The following PDSS2 variants were observed in gnomAD, a reference collection of about 807,000 sequenced individuals.
PDSS2 encodes all trans-polyprenyl-diphosphate synthase PDSS2.
In PDSS2, 31 loss-of-function variants were observed where a neutral mutation model predicts 44.5. The observed-to-expected ratio is 0.70, with a 90% CI of 0.52 to 0.94. PDSS2 has a LOEUF of 0.94. Among genes scored for constraint, PDSS2 ranks in the 40% least tolerant of loss-of-function variants. The probability of loss-of-function intolerance (pLI) is 0.00; values close to 1 mark genes in which losing one functional copy is unlikely to be tolerated. For missense variants in PDSS2, 452 were observed against 482.2 expected (o/e 0.94, Z 0.59); for synonymous variants, 157 against 180.3 (o/e 0.87, Z 1.03).
chr6:107,219,438 C>A (rs2114671510), intron 4 of PDSS2, among the ~76,000 whole-genome samples: 1 of 152,240 alleles, frequency 6.6e-6, no homozygotes, highest in Non-Finnish European at 1.5e-5. Context: ...CAGGTGCGCA[C>A]CACTACACCC....
At chr6:107,426,990 A>T (rs1394325268) in intron 1 of PDSS2, among the ~76,000 whole-genome samples, 1 of 152,122 alleles carries the variant, frequency 6.6e-6, no homozygotes, top group Non-Finnish European at 1.5e-5. Context: ...GGACTGCTGG[A>T]AAGGCATAAT....
At chr6:107,316,960 T>C (rs1342017415) in intron 2 of PDSS2, among the ~76,000 whole-genome samples, 1 of 152,170 alleles carries the variant, frequency 6.6e-6, no homozygotes, top group Non-Finnish European at 1.5e-5. Flanking sequence ...TCATAAGATG[T>C]CAATCATAAT....
In PDSS2 at chr6:107,326,240, C is replaced by A. The variant is rs182139571; in HGVS notation, c.431+7958G>T. Among the ~76,000 whole-genome samples, 51 of 151,746 alleles carry A rather than the reference C, an allele frequency of 3.4e-4. No homozygotes were observed. The East Asian group carries it at 9.3e-3, about 28-fold the overall frequency. On this transcript the variant is annotated intron_variant, in intron 2 of 7. Transcript: ENST00000369037. ...GCCTCAGCCTCCCGAGTAGCTGGGA[C>A]TTACAGGCAGGTACCACCATGCCTG...
chr6:107,291,348 A>AT (rs139519390), intron 2 of PDSS2, among the ~76,000 whole-genome samples: 145 of 132,480 alleles, frequency 1.1e-3, no homozygotes, highest in South Asian at 3.5e-3. Context: ...TTATTTTATA[A>AT]TTTTTTTTTT....
intron 7 of PDSS2, among the ~76,000 whole-genome samples, chr6:107,167,111 C>CT (rs782570792): frequency 4.6e-5 from 7 of 151,824 alleles, no homozygotes; most frequent in South Asian, 2.1e-4. Flanking sequence ...TGGTCCTGGA[C>CT]TTTTTTTTGG....
intron 2 of PDSS2, among the ~76,000 whole-genome samples, chr6:107,320,437 CA>C (rs1777346401): frequency 6.6e-6 from 1 of 151,962 alleles, no homozygotes; most frequent in South Asian, 2.1e-4. Context: ...TAATGGTTTC[CA>C]AAAATAACAA....
intron 4 of PDSS2, among the ~76,000 whole-genome samples, chr6:107,213,539 T>C (rs1047299149): frequency 6.6e-6 from 1 of 151,618 alleles, no homozygotes; most frequent in Admixed American, 6.6e-5. Flanking sequence ...GGTGGGTGGA[T>C]CACGAGGTCA....
intron 3 of PDSS2, among the ~76,000 whole-genome samples, chr6:107,254,916 T>A (rs990408067): frequency 6.6e-6 from 1 of 151,236 alleles, no homozygotes; most frequent in African/African-American, 2.4e-5. Context: ...CAGGCTGGAG[T>A]GTAGTGGTGT....
chr6:107,241,399 T>G (rs1233562884), intron 4 of PDSS2, among the ~76,000 whole-genome samples: 2 of 133,006 alleles, frequency 1.5e-5, no homozygotes, highest in Admixed American at 8.4e-5. Flanking sequence ...CAGGCTGGAG[T>G]GCAGTGGCGA....
At chr6:107,288,303 CAA>C (rs551676711) in intron 2 of PDSS2, among the ~76,000 whole-genome samples, 77 of 151,402 alleles carry the variant, frequency 5.1e-4, no homozygotes, top group African/African-American at 1.7e-3. Flanking sequence ...TTGGTAAGTG[CAA>C]AAAAAATATG....
chr6:107,189,037 G>T (rs887227643), intron 7 of PDSS2, among the ~76,000 whole-genome samples: 1 of 152,132 alleles, frequency 6.6e-6, no homozygotes, highest in East Asian at 1.9e-4. Flanking sequence ...AGGCTCCTGA[G>T]TAGCCAGGAC....
intron 6 of PDSS2, among the ~76,000 whole-genome samples, chr6:107,195,046 C>A (rs1360176359): frequency 6.6e-6 from 1 of 152,104 alleles, no homozygotes; most frequent in Non-Finnish European, 1.5e-5. Flanking sequence ...ATTTCTCCTG[C>A]CACTTCTGCA....
At chr6:107,401,218 C>T (rs1297291400) in intron 1 of PDSS2, among the ~76,000 whole-genome samples, 1 of 152,172 alleles carries the variant, frequency 6.6e-6, no homozygotes, top group African/African-American at 2.4e-5. Context: ...ATTACCCACA[C>T]AAGCCCGGCT....
At chr6:107,257,795 T>G (rs1158741285) in intron 3 of PDSS2, among the ~76,000 whole-genome samples, 2 of 152,088 alleles carry the variant, frequency 1.3e-5, no homozygotes, top group Non-Finnish European at 2.9e-5. Flanking sequence ...ATTTTTGTAT[T>G]TTTAGTAGAT....
chr6:107,319,335 T>C (rs995193667), intron 2 of PDSS2, among the ~76,000 whole-genome samples: 4 of 152,146 alleles, frequency 2.6e-5, no homozygotes, highest in African/African-American at 9.7e-5. Context: ...AGCTGTAGTG[T>C]TTTTACTTGC....
At chr6:107,258,897 T>C (rs897092351) in intron 3 of PDSS2, among the ~76,000 whole-genome samples, 10 of 152,218 alleles carry the variant, frequency 6.6e-5, no homozygotes, top group African/African-American at 2.4e-4. Flanking sequence ...ATACCATAAA[T>C]TCCAGGATTG....
chr6:107,433,940 T>C (rs1187206874), intron 1 of PDSS2, among the ~76,000 whole-genome samples: 1 of 151,998 alleles, frequency 6.6e-6, no homozygotes, highest in East Asian at 1.9e-4. Flanking sequence ...AATAATCGAA[T>C]AATTTGATCT....
chr6:107,386,295 C>T (rs1779607980), intron 1 of PDSS2, among the ~76,000 whole-genome samples: 1 of 151,208 alleles, frequency 6.6e-6, no homozygotes, highest in African/African-American at 2.4e-5. Flanking sequence ...GAACAGTGGA[C>T]TCAAAAATTC....
intron 4 of PDSS2, among the ~76,000 whole-genome samples, chr6:107,213,690 G>A (rs1773309037): frequency 6.6e-6 from 1 of 152,120 alleles, no homozygotes; most frequent in Admixed American, 6.5e-5. Flanking sequence ...CTGGGTGGGA[G>A]AGGTTGCAGT....
Sources: allele counts gnomAD v4.1 joint callset (sites outside exome capture counted in the v4.1 genomes callset), GRCh38; gene constraint gnomAD v4.1.1; transcripts MANE v1.5; gene names NCBI Gene and HGNC (gene_info 2026-07-23, HGNC 2026-07-21).